Variants in WAPL observed in about 807,000 individuals in gnomAD.
WAPL encodes the protein WAPL cohesin release factor, also known as wings apart-like protein homolog.
A neutral mutation model predicts 121.0 loss-of-function variants in WAPL; 5 were observed. The observed-to-expected ratio is 0.04, with a 90% CI of 0.02 to 0.09. The LOEUF is 0.09. Ranked by LOEUF, WAPL falls within the 10% of genes least tolerant of loss-of-function variation. WAPL has a pLI of 1.00. For missense variants in WAPL, 999 were observed against 1,410.8 expected, an observed-to-expected ratio of 0.71 and a Z score of 4.68; for synonymous variants, 480 against 481.5, an observed-to-expected ratio of 1.00 and a Z score of 0.04.
In WAPL at chr10:86,483,792, TTC is replaced by T. The variant is rs377569872; in HGVS notation, c.1645-9821_1645-9820del. Among the ~76,000 whole-genome samples the T allele has an allele frequency of 8.2e-3, 991 of 121,010 alleles. 10 individuals are homozygous for T. Among genetic ancestry groups the T allele is most frequent in the African/African-American group, 0.02 (632 of 31,564 alleles). The allele number at this position is 121,010 out of a possible 152,430, so 79.4% of individuals were successfully genotyped here. ...AACAAAAAAAAAAAAAAATTTTTTT[TTC>T]TTTTTTTTTTTTTTTTTTTTTTGGC... On this transcript the variant is annotated intron_variant, in intron 4 of 18. Coordinates refer to ENST00000298767, the MANE Select transcript of WAPL (RefSeq NM_015045.5).
chr10:86,441,180 C>T (rs973958337), intron 17 of WAPL, among the ~76,000 whole-genome samples: 1 of 152,152 alleles, frequency 6.6e-6, no homozygotes, highest in Non-Finnish European at 1.5e-5. Context: ...ATGGACTTTA[C>T]ACTTAAAAAT....
intron 14 of WAPL, 68 bp downstream of exon 14, chr10:86,453,152 C>T: frequency 1.6e-6 from 2 of 1,288,834 alleles, no homozygotes; most frequent in Non-Finnish European, 2.1e-6. Flanking sequence ...TAAACCCAAA[C>T]TAAGGTTAAC....
intron 8 of WAPL, among the ~76,000 whole-genome samples, chr10:86,468,827 G>A (rs943881604): frequency 9.9e-5 from 15 of 151,996 alleles, no homozygotes; most frequent in Admixed American, 2.0e-4. Context: ...TAGGCCGGGC[G>A]CAGTGGCTCA....
At chr10:86,496,936 T>G (rs570202275) in intron 4 of WAPL, among the ~76,000 whole-genome samples, 1 of 152,252 alleles carries the variant, frequency 6.6e-6, no homozygotes, top group Admixed American at 6.5e-5. Flanking sequence ...TTGGATATGA[T>G]AAAAAGGTTT....
intron 12 of WAPL, among the ~76,000 whole-genome samples, chr10:86,456,266 G>A (rs1841144055): frequency 6.6e-6 from 1 of 152,140 alleles, no homozygotes; most frequent in Admixed American, 6.5e-5. Flanking sequence ...GGTGTCCAAA[G>A]TTGCAAAGGT....
chr10:86,455,196 G>A (rs1841110651), intron 12 of WAPL, among the ~76,000 whole-genome samples: 2 of 152,238 alleles, frequency 1.3e-5, no homozygotes, highest in African/African-American at 4.8e-5. Context: ...GTACCCAACA[G>A]CTCACTGAGA....
intron 4 of WAPL, among the ~76,000 whole-genome samples, chr10:86,478,591 T>C (rs1472445748): frequency 6.6e-6 from 1 of 152,158 alleles, no homozygotes; most frequent in African/African-American, 2.4e-5. Flanking sequence ...TATTCTTTTG[T>C]ATTCAGTGCT....
intron 2 of WAPL, among the ~76,000 whole-genome samples, chr10:86,508,611 G>A (rs947860912): frequency 3.3e-5 from 5 of 152,064 alleles, no homozygotes; most frequent in Admixed American, 6.6e-5. Context: ...GCAGCATTCC[G>A]CGTCAGTCAA....
intron 9 of WAPL, among the ~76,000 whole-genome samples, chr10:86,461,635 G>C (rs1267045836): frequency 6.6e-6 from 1 of 152,156 alleles, no homozygotes; most frequent in Non-Finnish European, 1.5e-5. Flanking sequence ...TACCACAATG[G>C]ATTTAACAAG....
intron 4 of WAPL, among the ~76,000 whole-genome samples, chr10:86,490,070 C>T (rs1842012584): frequency 6.6e-6 from 1 of 151,776 alleles, no homozygotes; most frequent in Non-Finnish European, 1.5e-5. Flanking sequence ...AAAAATTAGC[C>T]GGGCATGGTG....
intron 9 of WAPL, among the ~76,000 whole-genome samples, chr10:86,465,539 T>C (rs1269895420): frequency 2.0e-5 from 3 of 152,190 alleles, no homozygotes; most frequent in African/African-American, 7.2e-5. Context: ...TGGGAAAGCC[T>C]CTAAAATTTC....
intron 4 of WAPL, among the ~76,000 whole-genome samples, chr10:86,475,003 A>G (rs1295913003): frequency 6.6e-6 from 1 of 152,246 alleles, no homozygotes; most frequent in Non-Finnish European, 1.5e-5. Context: ...GTAATAACAT[A>G]CATGATTTCT....
chr10:86,503,774 C>A (rs774814700), intron 2 of WAPL, among the ~76,000 whole-genome samples: 1 of 149,382 alleles, frequency 6.7e-6, no homozygotes, highest in Non-Finnish European at 1.5e-5. Context: ...AGAATACACA[C>A]ATGAAAAATG....
intron 2 of WAPL, among the ~76,000 whole-genome samples, chr10:86,501,179 C>A (rs1379003268): frequency 6.6e-6 from 1 of 152,192 alleles, no homozygotes; most frequent in African/African-American, 2.4e-5. Flanking sequence ...TGGGATAGGG[C>A]TGCCCATAAG....
chr10:86,484,313 T>G (rs1841877735), intron 4 of WAPL, among the ~76,000 whole-genome samples: 1 of 152,040 alleles, frequency 6.6e-6, no homozygotes, highest in African/African-American at 2.4e-5. Flanking sequence ...CTCGACAACA[T>G]GGTGAAACCC....
intron 1 of WAPL, among the ~76,000 whole-genome samples, chr10:86,519,964 C>T (rs7895943): frequency 0.12 from 17,604 of 152,180 alleles, 1,188 homozygotes; most frequent in Middle Eastern, 0.17. Flanking sequence ...AGATGAATAC[C>T]TGACACTAAG....
At chr10:86,440,345 T>C (rs931430688) in intron 17 of WAPL, among the ~76,000 whole-genome samples, 1 of 151,990 alleles carries the variant, frequency 6.6e-6, no homozygotes, top group Non-Finnish European at 1.5e-5. Context: ...TGGAATGCAG[T>C]GGTGCGATCT....
intron 4 of WAPL, among the ~76,000 whole-genome samples, chr10:86,480,636 GAGA>G (rs960631418): frequency 8.7e-4 from 30 of 34,658 alleles, no homozygotes; most frequent in African/African-American, 2.3e-3. Flanking sequence ...TAAATATCTT[GAGA>G]CAACACCACC....
At chr10:86,497,423 A>G in intron 3 of WAPL, 104 bp from the exon 4 acceptor site, 1 of 875,100 alleles carries the variant, frequency 1.1e-6, no homozygotes, top group South Asian at 1.5e-5. Flanking sequence ...TGGGAAGAAA[A>G]GAATAAAGGA....
Sources: allele counts gnomAD v4.1 joint callset (sites outside exome capture counted in the v4.1 genomes callset), GRCh38; gene constraint gnomAD v4.1.1; transcripts MANE v1.5; gene names NCBI Gene and HGNC (gene_info 2026-07-23, HGNC 2026-07-21).